Variants in MYLK4 observed in about 807,000 individuals in gnomAD.
The protein encoded by MYLK4 is caMLCK like.
In MYLK4, 46 loss-of-function variants were observed where a neutral mutation model predicts 48.1. The ratio of observed to expected loss-of-function variants is 0.96; its 90% CI spans 0.75 to 1.22. The LOEUF is 1.22. Among genes scored for constraint, MYLK4 ranks in the 50% most tolerant of loss-of-function variants. The pLI is 0.00. For synonymous variants in MYLK4, 170 were observed against 180.8 expected (o/e 0.94, Z 0.48); for missense variants, 451 against 486.1 (o/e 0.93, Z 0.68).
intron 2 of MYLK4, among the ~76,000 whole-genome samples, chr6:2,721,508 A>G (rs1763066585): frequency 6.6e-6 from 1 of 150,760 alleles, no homozygotes. Context: ...ATGGTTTAAC[A>G]CACCGTCTAT....
At chr6:2,690,307 T>G (rs987790942) in intron 3 of MYLK4, among the ~76,000 whole-genome samples, 2 of 152,152 alleles carry the variant, frequency 1.3e-5, no homozygotes, top group African/African-American at 4.8e-5. Context: ...CTGTCCTCGT[T>G]GACGAGGCGC....
At chr6:2,718,764 G>A (rs758355993) in intron 2 of MYLK4, among the ~76,000 whole-genome samples, 32 of 152,182 alleles carry the variant, frequency 2.1e-4, no homozygotes, top group Non-Finnish European at 4.1e-4. Context: ...TCAGATGTTT[G>A]TTTATACTGG....
chr6:2,685,941 G>A lies in MYLK4; in HGVS notation c.342-365C>T, dbSNP rs529857930. 2.0e-5 allele frequency among the ~76,000 whole-genome samples: 3 copies of A among 152,164 alleles called. No individual in the cohort carries two copies. Among genetic ancestry groups the A allele is most frequent in the African/African-American group, 7.2e-5 (3 of 41,512 alleles). ...AAATTAGCCAGATGTGATGGCATGTGTCTGTAGTCCCAGCTACTCGGGAGG... is the reference window on the plus strand; with the variant it reads ...AAATTAGCCAGATGTGATGGCATGTATCTGTAGTCCCAGCTACTCGGGAGG... On this transcript the variant is annotated intron_variant, in intron 4 of 12. Coordinates refer to ENST00000274643, the MANE Select transcript of MYLK4 (RefSeq NM_001012418.5). This position sits in a 1 kb window ranked among gnomAD's most constrained non-coding sequence, Gnocchi z 4.5.
At chr6:2,766,267 C>T in the MYLK4 span, 5 of 1,562,778 alleles carry the variant, frequency 3.2e-6, no homozygotes, top group Middle Eastern at 1.9e-4. Context: ...CGCTGGCTGC[C>T]GAGGAGATCC....
At chr6:2,759,987 G>T in the MYLK4 span, among the ~76,000 whole-genome samples, 1 of 151,656 alleles carries the variant, frequency 6.6e-6, no homozygotes, top group African/African-American at 2.4e-5. Flanking sequence ...TCAAAAATTT[G>T]GGAAAAAATA....
At chr6:2,761,505 A>C in the MYLK4 span, among the ~76,000 whole-genome samples, 1 of 152,216 alleles carries the variant, frequency 6.6e-6, no homozygotes, top group African/African-American at 2.4e-5. Context: ...AACTTCAGAC[A>C]GAGGGGACTA....
chr6:2,684,912 T>C (rs1761468209), intron 6 of MYLK4, among the ~76,000 whole-genome samples: 1 of 152,248 alleles, frequency 6.6e-6, no homozygotes, highest in Non-Finnish European at 1.5e-5. Context: ...TGAGTTTAAA[T>C]GGAAGCTTCT....
chr6:2,698,803 A>C (rs1299762816), intron 2 of MYLK4, among the ~76,000 whole-genome samples: 2 of 152,222 alleles, frequency 1.3e-5, no homozygotes, highest in Non-Finnish European at 2.9e-5. Flanking sequence ...GCACACACTC[A>C]AACTCTCCAT....
chr6:2,710,705 A>T (rs1214455697), intron 2 of MYLK4, among the ~76,000 whole-genome samples: 2 of 152,174 alleles, frequency 1.3e-5, no homozygotes, highest in Admixed American at 6.5e-5. Context: ...GCAAGACTCA[A>T]AATCTCAGTG....
chr6:2,723,643 C>T (rs747280780), intron 2 of MYLK4, among the ~76,000 whole-genome samples: 13 of 152,160 alleles, frequency 8.5e-5, no homozygotes, highest in African/African-American at 1.9e-4. Context: ...TGTAAACTTA[C>T]GGTTTTGGCT....
chr6:2,688,984 A>C (rs1214051818), intron 3 of MYLK4, 28 bp from the exon 4 acceptor site: 1 of 1,582,672 alleles, frequency 6.3e-7, no homozygotes, highest in Admixed American at 1.7e-5. Context: ...CAGAAGGGCA[A>C]TCTGTCAAGA....
chr6:2,675,155 G>T, intron 10 of MYLK4, 30 bp from the exon 11 acceptor site: 2 of 1,533,720 alleles, frequency 1.3e-6, no homozygotes, highest in Non-Finnish European at 1.8e-6. Flanking sequence ...GTGATTAGTA[G>T]AAACACACCG....
chr6:2,761,944 G>A, the MYLK4 span, among the ~76,000 whole-genome samples: 6 of 152,088 alleles, frequency 3.9e-5, no homozygotes, highest in South Asian at 8.3e-4. Context: ...ACGGATTCTC[G>A]CTCTGTCGCC....
At chr6:2,725,173 T>C (rs773758769) in intron 2 of MYLK4, among the ~76,000 whole-genome samples, 19 of 151,426 alleles carry the variant, frequency 1.3e-4, no homozygotes, top group Non-Finnish European at 2.8e-4. Flanking sequence ...AAATAGAATA[T>C]GGGGCTAAGC....
At chr6:2,720,223 T>G (rs1268117731) in intron 2 of MYLK4, among the ~76,000 whole-genome samples, 1 of 151,876 alleles carries the variant, frequency 6.6e-6, no homozygotes, top group Non-Finnish European at 1.5e-5. Context: ...GCCAACATGG[T>G]GAAACCCCAT....
intron 2 of MYLK4, among the ~76,000 whole-genome samples, chr6:2,736,915 G>A (rs1224928612): frequency 6.6e-6 from 1 of 152,252 alleles, no homozygotes; most frequent in African/African-American, 2.4e-5. Context: ...TACACTGTCT[G>A]CATCAGGTGT....
At position 2,685,356 on chromosome 6, in the gene MYLK4, T is replaced by A. The variant is rs1761491318; in HGVS notation, c.485A>T (p.Asn162Ile). Residue 162 changes from asparagine (N) to isoleucine (I), a missense_variant, in exon 6 of 13, where the codon AAC (asparagine) becomes ATC (isoleucine). Physicochemically the swap from Asn to Ile is moderately radical, Grantham distance 149 (BLOSUM62 -3). Transcript: ENST00000274643. This position sits in a 1 kb window ranked among gnomAD's most constrained non-coding sequence, Gnocchi z 4.5. ...ISVMNQLDHA[N>I]LIQLYDAFES... ...GAAGGCATCGTACAGCTGGATGAGG[T>A]TCGCGTGGTCCAGCTGGTTCATGAC... is the stretch of plus-strand genomic sequence containing the variant. 6.2e-7 allele frequency: 1 copy of A among 1,613,640 alleles called. No homozygotes were observed. Among genetic ancestry groups the A allele is most frequent in the Admixed American group, 1.7e-5 (1 of 59,974 alleles).
chr6:2,678,612 C>CA (rs2113109222), intron 9 of MYLK4, among the ~76,000 whole-genome samples: 1 of 152,172 alleles, frequency 6.6e-6, no homozygotes, highest in East Asian at 1.9e-4. Flanking sequence ...CTTTTTAAAG[C>CA]ACTTTTCAGC....
chr6:2,719,182 G>A (rs1295109755), intron 2 of MYLK4, among the ~76,000 whole-genome samples: 1 of 152,164 alleles, frequency 6.6e-6, no homozygotes, highest in Non-Finnish European at 1.5e-5. Context: ...TAAATCTTGG[G>A]TTACATTCCT....
Sources: gnomAD v4.1 joint callset for allele counts (sites outside exome capture counted in the v4.1 genomes callset) on GRCh38, gnomAD v4.1.1 for gene constraint, Gnocchi (gnomAD v3.1) non-coding constraint, MANE v1.5 for transcripts, NCBI Gene and HGNC (gene_info 2026-07-23, HGNC 2026-07-21) for gene names.